The following IFNAR2 variants were observed in gnomAD, a reference collection of about 807,000 sequenced individuals.
IFNAR2 encodes the protein interferon alpha and beta receptor subunit 2.
Under a neutral mutation model 49.4 loss-of-function variants are expected in IFNAR2, and 30 were observed. That is an observed-to-expected ratio of 0.61 (90% confidence interval 0.45 to 0.82). IFNAR2 has a LOEUF of 0.82. IFNAR2 is among the 40% of genes least tolerant of loss of function. The probability of loss-of-function intolerance (pLI) is 0.00; values close to 1 mark genes in which losing one functional copy is unlikely to be tolerated. For synonymous variants in IFNAR2, 224 were observed against 234.5 expected, an observed-to-expected ratio of 0.96 and a Z score of 0.41; for missense variants, 600 against 622.7, an observed-to-expected ratio of 0.96 and a Z score of 0.39.
At chr21:33,255,077 G>A (rs775423186) in intron 7 of IFNAR2, among the ~76,000 whole-genome samples, 7 of 152,144 alleles carry the variant, frequency 4.6e-5, no homozygotes, top group Non-Finnish European at 1.0e-4. Flanking sequence ...TGCACAGGCT[G>A]GTTCTAAAGG....
At chr21:33,233,461 CAT>C (rs1452927834) in intron 1 of IFNAR2, among the ~76,000 whole-genome samples, 2 of 152,114 alleles carry the variant, frequency 1.3e-5, no homozygotes, top group Non-Finnish European at 2.9e-5. Flanking sequence ...CAGAAAATGT[CAT>C]GTGGGAATAC....
intron 7 of IFNAR2, among the ~76,000 whole-genome samples, chr21:33,254,418 A>G (rs1818582592): frequency 6.6e-6 from 1 of 152,172 alleles, no homozygotes; most frequent in South Asian, 2.1e-4. Flanking sequence ...TCTTTGACAT[A>G]TTTTGAAATG....
In IFNAR2 at chr21:33,246,727, A is replaced by G; in HGVS notation, c.231A>G (p.Glu77=). 1 of 1,607,584 alleles carries G rather than the reference A, an allele frequency of 6.2e-7. No homozygotes were observed. The highest frequency in any genetic ancestry group is 8.5e-7 in the Non-Finnish European group (1 of 1,177,808). The change falls in exon 5 of 9, where the codon GAA becomes GAG. Residue 77 remains glutamate (E), a synonymous_variant. Transcript: ENST00000342136. The part of the protein sequence containing the change: ...TLLYTIMSKP[E]DLKVVKNCAN... ...TTTTTTCTTTCCAAAGTAAACCAGA[A>G]GATTTGAAGGTGGTTAAGAACTGTG...
At position 33,244,976 on chromosome 21, in the gene IFNAR2, C is replaced by A; in HGVS notation, c.123C>A (p.Phe41Leu). 6.2e-7 allele frequency: 1 copy of A among 1,611,518 alleles called. No individual in the cohort carries two copies. Among genetic ancestry groups the A allele is most frequent in the Non-Finnish European group, 8.5e-7 (1 of 1,178,320 alleles). The change falls in exon 4 of 9, where the codon TTC becomes TTA. Residue 41 changes from phenylalanine to leucine, a missense_variant. Coordinates refer to ENST00000342136, the MANE Select transcript of IFNAR2 (RefSeq NM_001289125.3). Reference sequence around the variant, plus strand: ...ATTACACAGATGAATCTTGCACTTTCAAGATATCATTGCGAAATTTCCGGT... The same window carrying A: ...ATTACACAGATGAATCTTGCACTTTAAAGATATCATTGCGAAATTTCCGGT... ...SPDYTDESCT[F>L]KISLRNFRSI... is the part of the protein sequence containing the mutation.
chr21:33,241,863 T>C lies in IFNAR2; in HGVS notation c.-60T>C. On this transcript the variant is annotated 5_prime_UTR_variant, in exon 2 of 9. Transcript: ENST00000342136. Reference sequence around the variant, plus strand: ...AGTTTAATTAGACACTTCAGAATTTTGATCACCTAATGTTGATTTCAGATG... The same window carrying C: ...AGTTTAATTAGACACTTCAGAATTTCGATCACCTAATGTTGATTTCAGATG... The C allele has an allele frequency of 6.2e-7, 1 of 1,601,798 alleles. No homozygotes were observed. The highest frequency in any genetic ancestry group is 8.5e-7 in the Non-Finnish European group (1 of 1,174,572).
At chr21:33,253,022 CA>C (rs1987970550) in intron 7 of IFNAR2, among the ~76,000 whole-genome samples, 192 bp downstream of exon 7, 2 of 151,870 alleles carry the variant, frequency 1.3e-5, no homozygotes, top group Admixed American at 6.6e-5. Context: ...ATTGTCATAC[CA>C]AAAAACAATC....
At chr21:33,245,440 C>G (rs1056231316) in intron 4 of IFNAR2, among the ~76,000 whole-genome samples, 1 of 152,218 alleles carries the variant, frequency 6.6e-6, no homozygotes, top group Non-Finnish European at 1.5e-5. Flanking sequence ...GGACAGGAAT[C>G]CAAAGGTCTA....
rs562283425 is a variant in IFNAR2, at chr21:33,230,540, C to T, written c.-84+324C>T. 24 of 471,054 alleles carry T rather than the reference C, an allele frequency of 5.1e-5. No homozygotes were observed. Among genetic ancestry groups the T allele is most frequent in the South Asian group, 1.2e-4 (8 of 64,546 alleles). 29.2% of individuals were successfully genotyped at this position (471,054 alleles called of 1,614,324 possible). A position where few individuals can be genotyped will look rare whatever the true frequency, so the allele number is the denominator to read the frequency against. ...CACCAAGGATGCCCAGGATACCGGG[C>T]ATTTGCCACTGCAAGATGTGAGTCG... On this transcript the variant is annotated intron_variant, in intron 1 of 8. Coordinates refer to ENST00000342136, the MANE Select transcript of IFNAR2 (RefSeq NM_001289125.3). This position sits in a 1 kb window ranked among gnomAD's most constrained non-coding sequence, Gnocchi z 5.5.
chr21:33,254,203 A>G (rs1988058134), intron 7 of IFNAR2, among the ~76,000 whole-genome samples: 1 of 152,172 alleles, frequency 6.6e-6, no homozygotes, highest in South Asian at 2.1e-4. Flanking sequence ...TAAACCTGAA[A>G]CACTAGTTCA....
chr21:33,262,615 A>T (rs758738937), intron 8 of IFNAR2, 178 bp from the exon 9 acceptor site: 24 of 851,268 alleles, frequency 2.8e-5, no homozygotes, highest in Non-Finnish European at 3.9e-5. Flanking sequence ...GTGCAGTCAT[A>T]ATGCACTACA....
chr21:33,248,218 T>A (rs1161467486), intron 5 of IFNAR2, among the ~76,000 whole-genome samples: 2 of 151,958 alleles, frequency 1.3e-5, no homozygotes, highest in Non-Finnish European at 2.9e-5. Context: ...CCCAAAGAAA[T>A]TATTAAGGCC....
intron 1 of IFNAR2, among the ~76,000 whole-genome samples, chr21:33,238,502 A>G (rs1986655694): frequency 6.6e-6 from 1 of 152,174 alleles, no homozygotes; most frequent in South Asian, 2.1e-4. Flanking sequence ...TCTGAGAGAG[A>G]GAGAAGGAAC....
rs1988741050 is a variant in IFNAR2 at position 33,262,974 on chromosome 21, G to A, written c.1022G>A (p.Gly341Glu). 1.2e-6 allele frequency: 2 copies of A among 1,614,008 alleles called. No homozygotes were observed. The highest frequency in any genetic ancestry group is 1.7e-6 in the Non-Finnish European group (2 of 1,180,022). Residue 341 changes from glycine to glutamate, a missense_variant, in exon 9 of 9, where the codon GGA (glycine) becomes GAA (glutamate). Gly to Glu is a moderately conservative substitution (Grantham distance 98, BLOSUM62 -2). Coordinates refer to ENST00000342136, the MANE Select transcript of IFNAR2 (RefSeq NM_001289125.3). ...RTSGGGYTMHGLTVRPLGQAS... is the reference protein window; with the variant it reads ...RTSGGGYTMHELTVRPLGQAS... ...AGTGGCGGTGGCTATACCATGCATG[G>A]ACTGACTGTCAGGCCTCTGGGTCAG...
chr21:33,240,119 T>C (rs1986810165), intron 1 of IFNAR2, among the ~76,000 whole-genome samples: 1 of 152,238 alleles, frequency 6.6e-6, no homozygotes, highest in African/African-American at 2.4e-5. Flanking sequence ...ATACTCTCCC[T>C]TCTGGTTTGC....
intron 8 of IFNAR2, 100 bp downstream of exon 8, chr21:33,260,827 C>G: frequency 2.7e-6 from 2 of 734,472 alleles, no homozygotes; most frequent in Non-Finnish European, 4.0e-6. Flanking sequence ...AAGAAAATCT[C>G]ATTTTCTATA....
intron 5 of IFNAR2, 42 bp from the exon 6 acceptor site, chr21:33,248,667 G>A: frequency 1.3e-6 from 2 of 1,555,928 alleles, no homozygotes; most frequent in Non-Finnish European, 8.7e-7. Context: ...GCCACATATG[G>A]TCTCTGTGAC....
intron 7 of IFNAR2, among the ~76,000 whole-genome samples, chr21:33,259,097 C>T (rs960613613): frequency 1.6e-4 from 24 of 152,196 alleles, no homozygotes; most frequent in African/African-American, 5.8e-4. Context: ...CCCCGTTGCT[C>T]AGTTCAGCCC....
Position 33,263,741 on chromosome 21 carries a change from T to C in IFNAR2, c.*241T>C. ...ACTTTGAAGGAAGCACATGTGCACC[T>C]TTCCTTTACACTAATGCACTTAGGA... On this transcript the variant is annotated 3_prime_UTR_variant, in exon 9 of 9. Coordinates refer to ENST00000342136, the MANE Select transcript of IFNAR2 (RefSeq NM_001289125.3). 1 of 524,532 alleles carries C rather than the reference T, an allele frequency of 1.9e-6. No individual in the cohort carries two copies. The highest frequency in any genetic ancestry group is 3.4e-6 in the Non-Finnish European group (1 of 293,856). 32.5% of individuals were successfully genotyped at this position (524,532 alleles called of 1,614,324 possible). A position where few individuals can be genotyped will look rare whatever the true frequency, so the allele number is the denominator to read the frequency against.
At chr21:33,250,024 G>T (rs1463084569) in intron 6 of IFNAR2, among the ~76,000 whole-genome samples, 1 of 152,172 alleles carries the variant, frequency 6.6e-6, no homozygotes, top group Non-Finnish European at 1.5e-5. Flanking sequence ...GAGCATCCTG[G>T]CTGGGCTGTT....
Sources: allele counts gnomAD v4.1 joint callset (sites outside exome capture counted in the v4.1 genomes callset), GRCh38; gene constraint gnomAD v4.1.1; non-coding constraint Gnocchi (gnomAD v3.1); transcripts MANE v1.5; gene names NCBI Gene and HGNC (gene_info 2026-07-23, HGNC 2026-07-21).